PLA2G4E: variants seen among roughly 807,000 people sequenced by gnomAD.
PLA2G4E encodes the protein cytosolic phospholipase A2 epsilon.
Under a neutral mutation model 109.1 loss-of-function variants are expected in PLA2G4E, and 84 were observed. The observed-to-expected ratio is 0.77, with a 90% CI of 0.65 to 0.92. The LOEUF (loss-of-function observed/expected upper bound fraction) is 0.92. PLA2G4E is among the 40% of genes least tolerant of loss of function. The probability of loss-of-function intolerance (pLI) is 0.00; values close to 1 mark genes in which losing one functional copy is unlikely to be tolerated. For synonymous variants in PLA2G4E, 469 were observed against 436.1 expected (o/e 1.08, Z -0.94); for missense variants, 1,057 against 1,076.6 (o/e 0.98, Z 0.25).
chr15:41,989,410 G>A lies in PLA2G4E; in HGVS notation c.1723+5C>T, dbSNP rs1435959566. On this transcript the variant is annotated splice_donor_5th_base_variant and intron_variant, in intron 15 of 19. Transcript: ENST00000399518. ...CTGTCATTCCGCCAGTTGCAAGGCA[G>A]TCACCTAGCATGTAGCAGATTCGAG... The A allele has an allele frequency of 6.2e-7, 1 of 1,613,814 alleles. No homozygotes were observed. Among genetic ancestry groups the A allele is most frequent in the African/African-American group, 1.3e-5 (1 of 74,942 alleles).
At chr15:42,032,884 G>A (rs770828172) in intron 1 of PLA2G4E, among the ~76,000 whole-genome samples, 51 of 152,304 alleles carry the variant, frequency 3.3e-4, no homozygotes, top group African/African-American at 1.0e-3. Context: ...TTTGGGTTAC[G>A]TGAAAACAGA....
intron 1 of PLA2G4E, among the ~76,000 whole-genome samples, chr15:42,045,470 C>T (rs1311025893): frequency 1.3e-5 from 2 of 152,220 alleles, no homozygotes; most frequent in Non-Finnish European, 1.5e-5. Context: ...AGCACCGGCA[C>T]TCCACGGCAG....
chr15:42,030,766 T>G (rs1010170212), intron 1 of PLA2G4E, among the ~76,000 whole-genome samples: 1 of 152,240 alleles, frequency 6.6e-6, no homozygotes, highest in Non-Finnish European at 1.5e-5. Flanking sequence ...ACTAGGTGTG[T>G]CTTTTCTGGA....
intron 13 of PLA2G4E, among the ~76,000 whole-genome samples, chr15:41,991,818 C>T (rs531791126): frequency 1.2e-4 from 19 of 152,258 alleles, no homozygotes; most frequent in South Asian, 1.2e-3. Context: ...AGCAGGGAAC[C>T]GTGGGCCTGG....
chr15:42,044,356 G>A (rs7176108), intron 1 of PLA2G4E, among the ~76,000 whole-genome samples: 13,219 of 152,038 alleles, frequency 0.087, 599 homozygotes, highest in South Asian at 0.13. Context: ...CCAGGCTGAA[G>A]GTACAGCAGT....
At chr15:42,048,355 A>G (rs1324825482) in intron 1 of PLA2G4E, among the ~76,000 whole-genome samples, 1 of 152,248 alleles carries the variant, frequency 6.6e-6, no homozygotes, top group African/African-American at 2.4e-5. Flanking sequence ...TAAGCAACAC[A>G]TGACTGTAGT....
At chr15:42,023,132 G>A (rs553622319) in intron 1 of PLA2G4E, among the ~76,000 whole-genome samples, 3 of 152,166 alleles carry the variant, frequency 2.0e-5, no homozygotes, top group African/African-American at 4.8e-5. Flanking sequence ...AAGAGATACT[G>A]GGGGTAGAGA....
chr15:41,988,704 A>G (rs1299600846), intron 15 of PLA2G4E, among the ~76,000 whole-genome samples: 1 of 152,162 alleles, frequency 6.6e-6, no homozygotes, highest in Non-Finnish European at 1.5e-5. Flanking sequence ...CAGAGTTCAG[A>G]GTTCAAGCCC....
intron 2 of PLA2G4E, among the ~76,000 whole-genome samples, chr15:42,012,230 C>G (rs565724966): frequency 1.8e-4 from 28 of 152,278 alleles, no homozygotes; most frequent in African/African-American, 6.0e-4. Context: ...CACCTGCACT[C>G]TAGCACAAGC....
intron 1 of PLA2G4E, among the ~76,000 whole-genome samples, chr15:42,029,183 C>T (rs1889073204): frequency 1.3e-5 from 2 of 152,178 alleles, no homozygotes; most frequent in African/African-American, 4.8e-5. Flanking sequence ...CCTCTGCTTC[C>T]CAAGCTCAAG....
At chr15:42,024,167 A>C (rs560838052) in intron 1 of PLA2G4E, among the ~76,000 whole-genome samples, 1 of 152,204 alleles carries the variant, frequency 6.6e-6, no homozygotes, top group Non-Finnish European at 1.5e-5. Context: ...GGGGAGTTGG[A>C]AGTGGACTGG....
intron 3 of PLA2G4E, among the ~76,000 whole-genome samples, chr15:42,007,191 T>C (rs1258374626): frequency 6.6e-6 from 1 of 152,152 alleles, no homozygotes; most frequent in Non-Finnish European, 1.5e-5. Flanking sequence ...CTGTCACAAC[T>C]CAGGATGCTC....
intron 1 of PLA2G4E, among the ~76,000 whole-genome samples, chr15:42,043,295 G>A (rs1889349355): frequency 6.6e-6 from 1 of 152,120 alleles, no homozygotes; most frequent in Admixed American, 6.5e-5. Flanking sequence ...TCTGACGGTG[G>A]GAACTTTACT....
chr15:42,041,391 G>A (rs1283631927), intron 1 of PLA2G4E, among the ~76,000 whole-genome samples: 1 of 152,202 alleles, frequency 6.6e-6, no homozygotes, highest in Non-Finnish European at 1.5e-5. Context: ...TGTATCCATG[G>A]CATCTAGGCG....
chr15:41,999,776 C>T (rs975374010), intron 9 of PLA2G4E, 141 bp downstream of exon 9: 2 of 1,118,364 alleles, frequency 1.8e-6, no homozygotes, highest in Non-Finnish European at 2.6e-6. Flanking sequence ...TCTCCTGCCC[C>T]ACAAGACTCC....
chr15:42,045,475 C>T (rs915015139), intron 1 of PLA2G4E, among the ~76,000 whole-genome samples: 2 of 152,210 alleles, frequency 1.3e-5, no homozygotes, highest in South Asian at 2.1e-4. Context: ...CGGCACTCCA[C>T]GGCAGTGCCG....
chr15:42,013,259 G>A (rs1175832914), intron 2 of PLA2G4E, among the ~76,000 whole-genome samples: 1 of 151,712 alleles, frequency 6.6e-6, no homozygotes, highest in African/African-American at 2.4e-5. Flanking sequence ...CTGGCTCCAC[G>A]ATGCCTAAGT....
At chr15:42,011,012 A>G (rs1026634813) in intron 2 of PLA2G4E, among the ~76,000 whole-genome samples, 1 of 152,254 alleles carries the variant, frequency 6.6e-6, no homozygotes, top group Non-Finnish European at 1.5e-5. Flanking sequence ...GATAGTCTTA[A>G]TCTAACCCAG....
In PLA2G4E at chr15:42,041,553, ATGATGAAC is replaced by A. The variant is rs147160671; in HGVS notation, c.183+8960_183+8967del. ...GAGGATTCAAGTTATTGCAGTGTATATGATGAACTAAAGAGACCTCCCCAGGAGACCCA... is the reference window on the plus strand; with the variant it reads ...GAGGATTCAAGTTATTGCAGTGTATATAAAGAGACCTCCCCAGGAGACCCA... On this transcript the variant is annotated intron_variant, in intron 1 of 19. Transcript: ENST00000399518. Among the ~76,000 whole-genome samples the A allele has an allele frequency of 2.6e-3, 400 of 152,304 alleles. 6 individuals carry two copies. Among genetic ancestry groups the A allele is most frequent in the Admixed American group, 0.018 (275 of 15,292 alleles).
Sources: allele counts gnomAD v4.1 joint callset (sites outside exome capture counted in the v4.1 genomes callset), GRCh38; gene constraint gnomAD v4.1.1; transcripts MANE v1.5; gene names NCBI Gene and HGNC (gene_info 2026-07-23, HGNC 2026-07-21).